Variants in GBE1 observed in about 807,000 individuals in gnomAD.
The protein encoded by GBE1 is 1,4-alpha-glucan-branching enzyme.
GBE1 carries 70 observed loss-of-function variants against 88.8 expected under a neutral mutation model. The ratio of observed to expected loss-of-function variants is 0.79; its 90% CI spans 0.65 to 0.96. The LOEUF (loss-of-function observed/expected upper bound fraction) is 0.96. Ranked by LOEUF, GBE1 falls within the 40% of genes least tolerant of loss-of-function variation. GBE1 has a pLI of 0.00. For missense variants in GBE1, 872 were observed against 871.0 expected (o/e 1.00, Z -0.01); for synonymous variants, 284 against 300.1 (o/e 0.95, Z 0.56).
At chr3:81,715,933 T>C (rs934867441) in intron 1 of GBE1, among the ~76,000 whole-genome samples, 3 of 152,180 alleles carry the variant, frequency 2.0e-5, no homozygotes, top group Non-Finnish European at 4.4e-5. Context: ...AGTAGAAAAC[T>C]TAAAACATGA....
intron 1 of GBE1, among the ~76,000 whole-genome samples, chr3:81,718,153 A>G (rs983020562): frequency 6.6e-6 from 1 of 151,752 alleles, no homozygotes; most frequent in Non-Finnish European, 1.5e-5. Context: ...CCAATTTTGT[A>G]TATTTTAGTA....
chr3:81,599,171 A>T, intron 7 of GBE1, among the ~76,000 whole-genome samples: 1 of 152,338 alleles, frequency 6.6e-6, no homozygotes, highest in Non-Finnish European at 1.5e-5. Flanking sequence ...ACTAAAAAAT[A>T]AAATACTTGA....
At chr3:81,723,908 G>A (rs987469364) in intron 1 of GBE1, among the ~76,000 whole-genome samples, 6 of 152,114 alleles carry the variant, frequency 3.9e-5, no homozygotes, top group East Asian at 1.9e-4. Flanking sequence ...TTAGTCATGC[G>A]GCCTCAAAAA....
chr3:81,723,699 T>C (rs562625861), intron 1 of GBE1, among the ~76,000 whole-genome samples: 1 of 152,288 alleles, frequency 6.6e-6, no homozygotes, highest in African/African-American at 2.4e-5. Context: ...GTAGTGGCAC[T>C]GAAGCATGAC....
At chr3:81,646,225 T>G (rs1046346139) in intron 6 of GBE1, among the ~76,000 whole-genome samples, 167 bp downstream of exon 6, 27 of 152,184 alleles carry the variant, frequency 1.8e-4, no homozygotes, top group Non-Finnish European at 1.6e-4. Flanking sequence ...TTTCTAAGGC[T>G]GGAGGAGAAG....
At chr3:81,589,995 T>C (rs1259436490) in intron 9 of GBE1, among the ~76,000 whole-genome samples, 1 of 151,996 alleles carries the variant, frequency 6.6e-6, no homozygotes, top group Non-Finnish European at 1.5e-5. Flanking sequence ...GGTTGTTTGT[T>C]TTTTAATTGT....
chr3:81,675,302 T>C (rs1705237149), intron 2 of GBE1, among the ~76,000 whole-genome samples: 1 of 152,038 alleles, frequency 6.6e-6, no homozygotes, highest in Non-Finnish European at 1.5e-5. Context: ...AAATAATCCT[T>C]TGAGGCTAGT....
intron 14 of GBE1, among the ~76,000 whole-genome samples, chr3:81,506,220 A>G (rs1702652172): frequency 6.6e-6 from 1 of 152,150 alleles, no homozygotes; most frequent in African/African-American, 2.4e-5. Context: ...GGAAAAAAAC[A>G]AACACACCAA....
intron 7 of GBE1, among the ~76,000 whole-genome samples, chr3:81,637,697 T>C (rs1337521459): frequency 6.6e-6 from 1 of 152,108 alleles, no homozygotes; most frequent in Non-Finnish European, 1.5e-5. Flanking sequence ...TTAAAAATAA[T>C]TTTAGAATTT....
At position 81,712,907 on chromosome 3, in the gene GBE1, A is replaced by G. The variant is rs150174640; in HGVS notation, c.144-7294T>C. Among the ~76,000 whole-genome samples, 583 of 152,300 alleles carry G rather than the reference A, an allele frequency of 3.8e-3. 2 individuals carry two copies. Among genetic ancestry groups the G allele is most frequent in the African/African-American group, 0.013 (558 of 41,582 alleles). On this transcript the variant is annotated intron_variant, in intron 1 of 15. Transcript: ENST00000429644. The stretch of plus-strand genomic sequence containing the variant: ...TTCTTAAGTGAAAAATAACCAAAAT[A>G]TACAAAATTATTCATATATTAAGGC...
chr3:81,525,555 T>C (rs1041264206), intron 14 of GBE1, among the ~76,000 whole-genome samples: 1 of 152,124 alleles, frequency 6.6e-6, no homozygotes, highest in Non-Finnish European at 1.5e-5. Flanking sequence ...ATAAAATGAG[T>C]TAGGGAGGAT....
intron 14 of GBE1, among the ~76,000 whole-genome samples, chr3:81,520,964 C>A (rs565291870): frequency 4.6e-5 from 7 of 151,450 alleles, no homozygotes; most frequent in Non-Finnish European, 1.0e-4. Flanking sequence ...TGATACAAAT[C>A]AGTCTTGCCT....
At chr3:81,613,580 A>G (rs543265051) in intron 7 of GBE1, among the ~76,000 whole-genome samples, 6 of 152,160 alleles carry the variant, frequency 3.9e-5, no homozygotes, top group Non-Finnish European at 5.9e-5. Flanking sequence ...GGGTTATAGA[A>G]GGTCAGCAAG....
rs999392641 is a variant in GBE1 at position 81,519,850 on chromosome 3, T to G, written c.1934+15345A>C. 1.1e-4 allele frequency among the ~76,000 whole-genome samples: 17 copies of G among 151,472 alleles called. No individual in the cohort carries two copies. The Admixed American group carries it at 1.1e-3, about 10-fold the overall frequency. On this transcript the variant is annotated intron_variant, in intron 14 of 15. Transcript: ENST00000429644. ...AGGGCAGTGAGAAAAGTGAGTTGAT[T>G]AGAAAGAAACCTGCCTGGGCCACAA...
chr3:81,610,445 G>T (rs1704163450), intron 7 of GBE1, among the ~76,000 whole-genome samples: 1 of 152,070 alleles, frequency 6.6e-6, no homozygotes, highest in Non-Finnish European at 1.5e-5. Context: ...GTCTACATTT[G>T]TTTCTCATAA....
intron 14 of GBE1, among the ~76,000 whole-genome samples, chr3:81,502,429 T>A (rs1201327553): frequency 2.0e-5 from 3 of 152,048 alleles, no homozygotes; most frequent in African/African-American, 4.8e-5. Context: ...AAGAAAAAAA[T>A]TTTCTGTGTC....
At chr3:81,702,120 T>A (rs372261968) in intron 2 of GBE1, among the ~76,000 whole-genome samples, 71,227 of 135,066 alleles carry the variant, frequency 0.53, 19,432 homozygotes, top group African/African-American at 0.65. Context: ...TGTGTGTGTG[T>A]GTGTGTGTGT....
At chr3:81,668,545 T>C (rs1234618418) in intron 3 of GBE1, among the ~76,000 whole-genome samples, 1 of 152,142 alleles carries the variant, frequency 6.6e-6, no homozygotes, top group Non-Finnish European at 1.5e-5. Context: ...CAGTAAGTGG[T>C]AGCTGCTTAT....
At chr3:81,626,134 C>T (rs1011883364) in intron 7 of GBE1, among the ~76,000 whole-genome samples, 4 of 152,182 alleles carry the variant, frequency 2.6e-5, no homozygotes, top group Non-Finnish European at 4.4e-5. Context: ...AGCTCATGCT[C>T]GGAAACAGCA....
Sources: gnomAD v4.1 joint callset for allele counts (sites outside exome capture counted in the v4.1 genomes callset) on GRCh38, gnomAD v4.1.1 for gene constraint, MANE v1.5 for transcripts, NCBI Gene and HGNC (gene_info 2026-07-23, HGNC 2026-07-21) for gene names.